Variants in STAC observed in about 807,000 individuals in gnomAD.
STAC encodes SH3 and cysteine rich domain.
STAC carries 43 observed loss-of-function variants against 48.8 expected under a neutral mutation model. The observed-to-expected ratio is 0.88, with a 90% CI of 0.69 to 1.14. STAC has a LOEUF of 1.14. Among genes scored for constraint, STAC ranks in the 50% most tolerant of loss-of-function variants. The probability of loss-of-function intolerance (pLI) is 0.00; values close to 1 mark genes in which losing one functional copy is unlikely to be tolerated. For synonymous variants in STAC, 193 were observed against 179.5 expected, an observed-to-expected ratio of 1.07 and a Z score of -0.60; for missense variants, 497 against 504.0, an observed-to-expected ratio of 0.99 and a Z score of 0.13.
rs76951170 is a variant in STAC at position 36,407,292 on chromosome 3, C to A, written c.111+26538C>A. On this transcript the variant is annotated intron_variant, in intron 1 of 10. Transcript: ENST00000273183. ...AACAAACCAAAAAAAAATAGATAAACCTTTAGCACCTGCCAGAAACACAAG... is the reference window on the plus strand; with the variant it reads ...AACAAACCAAAAAAAAATAGATAAAACTTTAGCACCTGCCAGAAACACAAG... Among the ~76,000 whole-genome samples, 172 of 152,212 alleles carry A rather than the reference C, an allele frequency of 1.1e-3. 3 individuals are homozygous for A. The East Asian group carries it at 0.026, about 23-fold the overall frequency.
At chr3:36,485,135 C>G in intron 4 of STAC, 77 bp downstream of exon 4, 8 of 1,219,738 alleles carry the variant, frequency 6.6e-6, no homozygotes, top group Non-Finnish European at 9.3e-6. Flanking sequence ...CCTCCCATGG[C>G]TGCAAAACCC....
In STAC at chr3:36,520,359, A is replaced by G. The variant is rs189484324; in HGVS notation, c.921-8337A>G. Among the ~76,000 whole-genome samples the G allele has an allele frequency of 3.3e-5, 5 of 152,302 alleles. No homozygotes were observed. In the East Asian group the frequency reaches 9.7e-4, roughly 29 times the overall value. Reference sequence around the variant, plus strand: ...CTGATTATCTGCACTATCTGAGAACAACTGTGACTTATCCAAAGATAGGCA... The same window carrying G: ...CTGATTATCTGCACTATCTGAGAACGACTGTGACTTATCCAAAGATAGGCA... On this transcript the variant is annotated intron_variant, in intron 8 of 10. Coordinates refer to ENST00000273183, the MANE Select transcript of STAC (RefSeq NM_003149.3).
chr3:36,514,254 C>T (rs1370147596), intron 8 of STAC, among the ~76,000 whole-genome samples: 2 of 139,266 alleles, frequency 1.4e-5, no homozygotes, highest in Non-Finnish European at 3.0e-5. Flanking sequence ...GACCACACCG[C>T]CCACTTGCCA....
At chr3:36,410,061 T>C (rs1017573971) in intron 1 of STAC, among the ~76,000 whole-genome samples, 4 of 152,192 alleles carry the variant, frequency 2.6e-5, no homozygotes, top group South Asian at 2.1e-4. Flanking sequence ...CTGTGAGCCA[T>C]GGCAGGCATC....
chr3:36,455,760 GGT>G (rs71085125), intron 2 of STAC, among the ~76,000 whole-genome samples: 50,018 of 148,972 alleles, frequency 0.34, 8,594 homozygotes, highest in Middle Eastern at 0.5. Context: ...GAAACAGGCA[GGT>G]GTGTGTGTGT....
chr3:36,501,009 T>C (rs1314467534), intron 6 of STAC, among the ~76,000 whole-genome samples: 1 of 152,116 alleles, frequency 6.6e-6, no homozygotes, highest in Non-Finnish European at 1.5e-5. Flanking sequence ...GAAGGATCAC[T>C]TGAGCCTGGA....
intron 1 of STAC, among the ~76,000 whole-genome samples, chr3:36,409,928 C>A (rs73059929): frequency 0.018 from 2,750 of 152,230 alleles, 51 homozygotes; most frequent in Non-Finnish European, 0.025. Context: ...AGCAGTAGGT[C>A]TCTACAAGAA....
At chr3:36,495,618 T>C (rs111935926) in intron 6 of STAC, among the ~76,000 whole-genome samples, 1 of 152,274 alleles carries the variant, frequency 6.6e-6, no homozygotes, top group Non-Finnish European at 1.5e-5. Flanking sequence ...CCTGGCTCTG[T>C]CTATGCTGTT....
chr3:36,463,650 G>A (rs1697082181), intron 2 of STAC, among the ~76,000 whole-genome samples: 2 of 144,280 alleles, frequency 1.4e-5, no homozygotes, highest in Non-Finnish European at 3.0e-5. Flanking sequence ...ATCTCCAAAT[G>A]CTATCCCTCC....
At chr3:36,421,591 T>C (rs1700451521) in intron 1 of STAC, among the ~76,000 whole-genome samples, 1 of 152,200 alleles carries the variant, frequency 6.6e-6, no homozygotes, top group Non-Finnish European at 1.5e-5. Flanking sequence ...TTTCTTCATT[T>C]AACCCAGAAG....
At position 36,542,101 on chromosome 3, in the gene STAC, G is replaced by A. The variant is rs576701503; in HGVS notation, c.1111-4090G>A. On this transcript the variant is annotated intron_variant, in intron 10 of 10. Transcript: ENST00000273183. ...GGGTAGGGGAGAGGAGAAGAGGAAA[G>A]GGAAGGGAAGAGAAGGGAGGGGAAA... 2.0e-5 allele frequency among the ~76,000 whole-genome samples: 3 copies of A among 152,200 alleles called. No homozygotes were observed. In the East Asian group the frequency reaches 5.8e-4, roughly 29 times the overall value.
intron 1 of STAC, among the ~76,000 whole-genome samples, chr3:36,437,066 C>G (rs1700852450): frequency 6.6e-6 from 1 of 151,930 alleles, no homozygotes; most frequent in Admixed American, 6.6e-5. Flanking sequence ...CAAATCAAAA[C>G]CACAATGAGA....
chr3:36,537,776 G>T (rs1401401742), intron 10 of STAC, among the ~76,000 whole-genome samples: 1 of 151,424 alleles, frequency 6.6e-6, no homozygotes, highest in African/African-American at 2.4e-5. Flanking sequence ...AAAATACTTA[G>T]GAAAATTAAC....
At chr3:36,471,691 T>G (rs985142738) in intron 2 of STAC, among the ~76,000 whole-genome samples, 1 of 152,146 alleles carries the variant, frequency 6.6e-6, no homozygotes, top group East Asian at 1.9e-4. Context: ...CTGTCAAATT[T>G]TAAAGCTCCA....
At chr3:36,499,204 G>T (rs1051442837) in intron 6 of STAC, among the ~76,000 whole-genome samples, 1 of 152,148 alleles carries the variant, frequency 6.6e-6, no homozygotes, top group African/African-American at 2.4e-5. Context: ...AGACGGAAAT[G>T]TAAGAAGAAA....
At chr3:36,428,666 T>C (rs1700622397) in intron 1 of STAC, among the ~76,000 whole-genome samples, 1 of 152,024 alleles carries the variant, frequency 6.6e-6, no homozygotes, top group Non-Finnish European at 1.5e-5. Context: ...GGGAAGAGCA[T>C]TACAGGAAGT....
At chr3:36,528,603 AT>A in intron 8 of STAC, 92 bp from the exon 9 acceptor site, 2 of 1,017,918 alleles carry the variant, frequency 2.0e-6, no homozygotes, top group South Asian at 3.7e-5. Context: ...TTTTAAGACT[AT>A]TTGTGTAAAT....
intron 2 of STAC, among the ~76,000 whole-genome samples, chr3:36,446,133 C>T (rs928015489): frequency 9.8e-5 from 15 of 152,312 alleles, no homozygotes; most frequent in African/African-American, 3.6e-4. Context: ...ACTTACCAGG[C>T]TCTCAGACCT....
chr3:36,492,796 G>T (rs2290529), intron 5 of STAC, among the ~76,000 whole-genome samples: 33,808 of 152,150 alleles, frequency 0.22, 4,334 homozygotes, highest in Middle Eastern at 0.33. Context: ...AAGAGCTAGC[G>T]TTTTATTGAA....
Sources: allele counts gnomAD v4.1 joint callset (sites outside exome capture counted in the v4.1 genomes callset), GRCh38; gene constraint gnomAD v4.1.1; transcripts MANE v1.5; gene names NCBI Gene and HGNC (gene_info 2026-07-23, HGNC 2026-07-21).